CCAR1: variants seen among roughly 807,000 people sequenced by gnomAD.
CCAR1 encodes cell division cycle and apoptosis regulator protein 1.
Under a neutral mutation model 163.8 loss-of-function variants are expected in CCAR1, and 78 were observed. That is an observed-to-expected ratio of 0.48 (90% confidence interval 0.40 to 0.57). The LOEUF is 0.57. Ranked by LOEUF, CCAR1 falls within the 20% of genes least tolerant of loss-of-function variation. CCAR1 has a pLI of 0.00. For synonymous variants in CCAR1, 443 were observed against 460.7 expected (o/e 0.96, Z 0.49); for missense variants, 1,019 against 1,365.2 (o/e 0.75, Z 4.00).
At chr10:68,786,254 G>A (rs1308921234) in intron 20 of CCAR1, 36 bp downstream of exon 20, 6 of 1,338,808 alleles carry the variant, frequency 4.5e-6, no homozygotes, top group Non-Finnish European at 6.4e-6. Flanking sequence ...ATAATATGGT[G>A]ATATCTTACA....
At chr10:68,721,520 C>G (rs538408686) in intron 1 of CCAR1, 1 of 443,648 alleles carries the variant, frequency 2.3e-6, no homozygotes, top group Non-Finnish European at 4.5e-6. Flanking sequence ...GTGCCCCCAG[C>G]GCCCCTCAGC....
chr10:68,758,647 GTATATATATA>G (rs145079985), intron 15 of CCAR1, among the ~76,000 whole-genome samples: 1 of 124,392 alleles, frequency 8.0e-6, no homozygotes, highest in Non-Finnish European at 1.7e-5. Context: ...ATACACACGT[GTATATATATA>G]TATATGTATA....
At chr10:68,754,130 T>C in intron 11 of CCAR1, 53 bp downstream of exon 11, 7 of 1,225,924 alleles carry the variant, frequency 5.7e-6, no homozygotes, top group Non-Finnish European at 8.3e-6. Flanking sequence ...TTATTCATAA[T>C]AAAAGGGTAT....
chr10:68,736,482 A>G (rs915174304), intron 2 of CCAR1, among the ~76,000 whole-genome samples: 1 of 152,032 alleles, frequency 6.6e-6, no homozygotes, highest in Non-Finnish European at 1.5e-5. Context: ...TGTCTGCCCA[A>G]TCCTGCCCTG....
Position 68,771,442 on chromosome 10 carries a change from G to C in CCAR1, c.2535G>C (p.Arg845Ser). ...ATAAAAAAGAAGATAGAGATGAAAG[G>C]AAGGTCTGTAATAACAACCTGCTTT... ...DKDKKEDRDE[R>S]KKEDKRKDDS... The change falls in exon 18 of 25, where the codon AGG becomes AGC. Residue 845 changes from arginine to serine, a missense_variant. Arg to Ser is a moderately radical substitution (Grantham distance 110). Transcript: ENST00000265872. 1.9e-6 allele frequency: 3 copies of C among 1,581,590 alleles called. No homozygotes were observed. Among genetic ancestry groups the C allele is most frequent in the Non-Finnish European group, 1.7e-6 (2 of 1,168,928 alleles).
intron 8 of CCAR1, 150 bp from the exon 9 acceptor site, chr10:68,748,986 T>C: frequency 2.3e-6 from 2 of 863,700 alleles, no homozygotes; most frequent in East Asian, 2.8e-5. Flanking sequence ...CCAGTACCTA[T>C]TCTTTAAAAA....
rs1413820893 is a variant in CCAR1, at chr10:68,756,953, T to C, written c.1837-341T>C. On this transcript the variant is annotated intron_variant, in intron 14 of 24. Transcript: ENST00000265872. The surrounding 1 kb of genome is among the most constrained non-coding windows in gnomAD (Gnocchi z 5.1). Reference sequence around the variant, plus strand: ...ACGTCTTTGGTACATTTCAAAGGTCTGACTAAATCAGTCTTTGGGTGGCTT... The same window carrying C: ...ACGTCTTTGGTACATTTCAAAGGTCCGACTAAATCAGTCTTTGGGTGGCTT... Among the ~76,000 whole-genome samples the C allele has an allele frequency of 6.6e-6, 1 of 152,256 alleles. No individual in the cohort carries two copies. The highest frequency in any genetic ancestry group is 6.5e-5 in the Admixed American group (1 of 15,284).
chr10:68,726,268 C>T (rs1300625051), intron 2 of CCAR1, among the ~76,000 whole-genome samples: 1 of 151,838 alleles, frequency 6.6e-6, no homozygotes, highest in East Asian at 1.9e-4. Context: ...TCTCGTGCCT[C>T]AGCCTCCCAA....
At position 68,742,445 on chromosome 10, in the gene CCAR1, T is replaced by C; in HGVS notation, c.394T>C (p.Tyr132His). The part of the protein sequence containing the change: ...PQPTAQITVS[Y>H]PTPRSSQQQT... ...GCCAACAGCACAAATAACTGTATCATATCCAACACCAAGGTCCAGTCAACA... is the reference window on the plus strand; with the variant it reads ...GCCAACAGCACAAATAACTGTATCACATCCAACACCAAGGTCCAGTCAACA... Residue 132 changes from tyrosine (Y) to histidine (H), a missense_variant, in exon 6 of 25, where the codon TAT becomes CAT. By Grantham distance (83) the Tyr-to-His change is moderately conservative. Transcript: ENST00000265872. The C allele has an allele frequency of 6.2e-7, 1 of 1,614,224 alleles. No individual in the cohort carries two copies. The highest frequency in any genetic ancestry group is 8.5e-7 in the Non-Finnish European group (1 of 1,180,044).
At chr10:68,737,106 C>CATTGCTACTGAAG in intron 3 of CCAR1, 58 bp downstream of exon 3, 1 of 1,158,428 alleles carries the variant, frequency 8.6e-7, no homozygotes, top group Non-Finnish European at 1.3e-6. Context: ...ATCTGAGTAG[C>CATTGCTACTGAAG]TAGCATTGCT....
chr10:68,747,512 A>G lies in CCAR1; in HGVS notation c.772A>G (p.Thr258Ala), dbSNP rs1370141018. The change falls in exon 8 of 25, where the codon ACA becomes GCA. Residue 258 changes from threonine (T) to alanine (A), a missense_variant. Coordinates refer to ENST00000265872, the MANE Select transcript of CCAR1 (RefSeq NM_018237.4). ...GGCACAGATTTCAGCAGCTTCTATT[A>G]CACCACTATTGCAGACTCAACCACA... ...LQAQISAASI[T>A]PLLQTQPQPL... The G allele has an allele frequency of 6.2e-7, 1 of 1,614,160 alleles. No individual in the cohort carries two copies. The highest frequency in any genetic ancestry group is 8.5e-7 in the Non-Finnish European group (1 of 1,180,018).
intron 21 of CCAR1, 92 bp downstream of exon 21, chr10:68,786,784 T>C: frequency 8.4e-7 from 1 of 1,184,830 alleles, no homozygotes; most frequent in Non-Finnish European, 1.2e-6. Flanking sequence ...GACTTTTTGA[T>C]ATATTAAAGC....
chr10:68,780,631 C>T (rs1040807551), intron 19 of CCAR1, among the ~76,000 whole-genome samples: 11 of 152,180 alleles, frequency 7.2e-5, no homozygotes, highest in East Asian at 3.8e-4. Flanking sequence ...TAGTGCCTTA[C>T]GCCAAGCAAG....
chr10:68,772,991 G>T lies in CCAR1; in HGVS notation c.2542G>T (p.Glu848Ter). The T allele has an allele frequency of 7.5e-7, 1 of 1,341,236 alleles. No individual in the cohort carries two copies. The highest frequency in any genetic ancestry group is 2.1e-5 in the Admixed American group (1 of 46,920). 83.1% of individuals were successfully genotyped at this position (1,341,236 alleles called of 1,614,324 possible). ...KKEDRDERKK[E>*]DKRKDDSKDD... ...ATAAAGGCATTTTAAATTATAGAAA[G>T]AAGATAAAAGAAAAGATGATTCTAA... The change falls in exon 19 of 25, where the codon GAA (glutamate) becomes TAA (stop). Residue 848 changes from glutamate to a stop codon, truncating the protein, a stop_gained. Transcript: ENST00000265872. LOFTEE classifies it high-confidence loss of function.
chr10:68,732,135 T>G (rs2056048132), intron 2 of CCAR1, among the ~76,000 whole-genome samples: 1 of 152,052 alleles, frequency 6.6e-6, no homozygotes, highest in African/African-American at 2.4e-5. Context: ...AAACAGCAAA[T>G]CTAAGGCCGT....
At chr10:68,755,615 C>T in intron 13 of CCAR1, 79 bp downstream of exon 13, 1 of 1,278,344 alleles carries the variant, frequency 7.8e-7, no homozygotes, top group Non-Finnish European at 1.1e-6. Context: ...AGCCTTTTCC[C>T]CCCGGCTTAT....
chr10:68,787,880 G>A, intron 21 of CCAR1, 47 bp from the exon 22 acceptor site: 1 of 1,531,646 alleles, frequency 6.5e-7, no homozygotes, highest in Non-Finnish European at 8.8e-7. Flanking sequence ...AGAGAATCAA[G>A]AAATGTATTT....
chr10:68,750,098 C>T (rs1260269282), intron 10 of CCAR1, among the ~76,000 whole-genome samples: 1 of 151,932 alleles, frequency 6.6e-6, no homozygotes, highest in African/African-American at 2.4e-5. Context: ...CGTATATACT[C>T]ACATACATAA....
chr10:68,769,345 G>T (rs1344344924), intron 17 of CCAR1, among the ~76,000 whole-genome samples: 1 of 152,184 alleles, frequency 6.6e-6, no homozygotes, highest in African/African-American at 2.4e-5. Context: ...ATAAGGCTGG[G>T]TGCAGTGGCT....
Sources: allele counts gnomAD v4.1 joint callset (sites outside exome capture counted in the v4.1 genomes callset), GRCh38; gene constraint gnomAD v4.1.1; non-coding constraint Gnocchi (gnomAD v3.1); transcripts MANE v1.5; gene names NCBI Gene and HGNC (gene_info 2026-07-23, HGNC 2026-07-21).